LARGE1: variants seen among roughly 807,000 people sequenced by gnomAD.
The protein encoded by LARGE1 is LARGE xylosyl- and glucuronyltransferase 1.
A neutral mutation model predicts 87.6 loss-of-function variants in LARGE1; 43 were observed. The observed-to-expected ratio is 0.49, with a 90% CI of 0.38 to 0.63. LARGE1 has a LOEUF of 0.63. LARGE1 is among the 30% of genes least tolerant of loss of function. LARGE1 has a pLI of 0.00. For missense variants in LARGE1, 802 were observed against 1,000.2 expected (o/e 0.80, Z 2.67); for synonymous variants, 434 against 394.6 (o/e 1.10, Z -1.18).
intron 2 of LARGE1, among the ~76,000 whole-genome samples, chr22:33,750,423 G>T (rs73402881): frequency 0.041 from 6,195 of 152,256 alleles, 423 homozygotes; most frequent in African/African-American, 0.14. Flanking sequence ...AAAAGCAGTA[G>T]GCGGGCCAAA....
At chr22:33,381,832 C>T (rs1464064834) in intron 9 of LARGE1, 87 bp downstream of exon 9, 4 of 1,548,204 alleles carry the variant, frequency 2.6e-6, no homozygotes, top group African/African-American at 2.7e-5. Flanking sequence ...CCACATTGCA[C>T]ATAAATCTCC....
intron 12 of LARGE1, among the ~76,000 whole-genome samples, chr22:33,284,594 T>C (rs77301134): frequency 2.6e-5 from 4 of 152,118 alleles, no homozygotes; most frequent in Admixed American, 6.5e-5. Context: ...TTTTTTTTTT[T>C]GGAGATGGAG....
intron 11 of LARGE1, among the ~76,000 whole-genome samples, chr22:33,253,605 G>A (rs1020731990): frequency 6.6e-6 from 1 of 152,172 alleles, no homozygotes; most frequent in African/African-American, 2.4e-5. Context: ...TCAGCTACTC[G>A]GGAGGCTGAG....
At chr22:33,522,993 TTTTG>T (rs1180855350) in intron 6 of LARGE1, among the ~76,000 whole-genome samples, 7 of 151,474 alleles carry the variant, frequency 4.6e-5, no homozygotes, top group Non-Finnish European at 8.8e-5. Context: ...GGGTGACTGT[TTTTG>T]TTTGTTTTGT....
Position 33,688,647 on chromosome 22 carries a change from G to A in LARGE1, c.107-37979C>T, listed in dbSNP as rs139097678. On this transcript the variant is annotated intron_variant, in intron 2 of 14. Transcript: ENST00000397394. ...ATTATAGGTGTGAGCCACCGCACCC[G>A]GCCCTGCATTGTTTTGAACTCAGAC... 2.8e-3 allele frequency among the ~76,000 whole-genome samples: 428 copies of A among 151,946 alleles called. 3 individuals carry two copies. Among genetic ancestry groups the A allele is most frequent in the African/African-American group, 9.9e-3 (412 of 41,446 alleles).
intron 5 of LARGE1, among the ~76,000 whole-genome samples, chr22:33,590,723 C>T (rs57844249): frequency 0.12 from 17,830 of 152,184 alleles, 1,623 homozygotes; most frequent in African/African-American, 0.26. Flanking sequence ...TTCATTCCTT[C>T]CCACTGCTGA....
intron 6 of LARGE1, among the ~76,000 whole-genome samples, chr22:33,487,180 C>T (rs145087029): frequency 2.1e-4 from 32 of 152,298 alleles, no homozygotes; most frequent in African/African-American, 7.0e-4. Flanking sequence ...TTCATTCATT[C>T]ACCTGTTCAT....
intron 6 of LARGE1, among the ~76,000 whole-genome samples, chr22:33,452,843 A>C (rs2067990441): frequency 1.3e-5 from 2 of 152,324 alleles, no homozygotes; most frequent in South Asian, 4.1e-4. Flanking sequence ...AATTCTAATT[A>C]ATGGATACTA....
intron 12 of LARGE1, among the ~76,000 whole-genome samples, chr22:33,288,721 A>G (rs916193404): frequency 6.6e-6 from 1 of 152,108 alleles, no homozygotes; most frequent in Non-Finnish European, 1.5e-5. Context: ...ATTCCTCCTC[A>G]TCATTCAATG....
chr22:33,372,034 G>A (rs980029498), intron 9 of LARGE1, among the ~76,000 whole-genome samples: 1 of 151,490 alleles, frequency 6.6e-6, no homozygotes, highest in African/African-American at 2.4e-5. Flanking sequence ...AATGGAATGT[G>A]GAATAAATGT....
At position 33,783,999 on chromosome 22, in the gene LARGE1, CTTTT is replaced by C. The variant is rs776651641; in HGVS notation, c.-82-22445_-82-22442del. Among the ~76,000 whole-genome samples, 36 of 152,244 alleles carry C rather than the reference CTTTT, an allele frequency of 2.4e-4. 1 individual carries two copies. Among genetic ancestry groups the C allele is most frequent in the Middle Eastern group, 3.4e-3 (1 of 294 alleles). ...AATCACTAAGACAATCTCTCTCTTTCTTTTTTCTTTTTCCCCTTTTAGTGCATGG... is the reference window on the plus strand; with the variant it reads ...AATCACTAAGACAATCTCTCTCTTTCTTCTTTTTCCCCTTTTAGTGCATGG... On this transcript the variant is annotated intron_variant, in intron 1 of 14. Transcript: ENST00000397394.
chr22:33,491,445 G>A (rs1043485657), intron 6 of LARGE1, among the ~76,000 whole-genome samples: 4 of 152,236 alleles, frequency 2.6e-5, no homozygotes, highest in African/African-American at 4.8e-5. Flanking sequence ...AAAGATGAAC[G>A]CATTTTCCCA....
intron 11 of LARGE1, among the ~76,000 whole-genome samples, chr22:33,191,939 G>A (rs534856422): frequency 1.0e-3 from 158 of 152,168 alleles, no homozygotes; most frequent in African/African-American, 3.6e-3. Flanking sequence ...TTTTAGAACT[G>A]GGCTCTTATA....
intron 5 of LARGE1, among the ~76,000 whole-genome samples, chr22:33,567,902 G>A (rs1437878268): frequency 6.6e-6 from 1 of 152,194 alleles, no homozygotes; most frequent in African/African-American, 2.4e-5. Context: ...TTAGGATAAT[G>A]GCCTCCAGCT....
chr22:33,825,903 G>A (rs936423295), intron 1 of LARGE1, among the ~76,000 whole-genome samples: 1 of 151,902 alleles, frequency 6.6e-6, no homozygotes, highest in Non-Finnish European at 1.5e-5. Context: ...TTATAATGGA[G>A]GGACAAGGCT....
At chr22:33,746,139 G>T (rs1250425321) in intron 2 of LARGE1, among the ~76,000 whole-genome samples, 1 of 152,358 alleles carries the variant, frequency 6.6e-6, no homozygotes, top group Non-Finnish European at 1.5e-5. Flanking sequence ...CTACTCGGGA[G>T]GCTGAGGTAG....
chr22:33,666,183 G>C (rs2081262072), intron 2 of LARGE1, among the ~76,000 whole-genome samples: 6 of 152,206 alleles, frequency 3.9e-5, no homozygotes, highest in Admixed American at 3.9e-4. Flanking sequence ...ACTTGGTGCA[G>C]AAAGATGAAT....
intron 2 of LARGE1, among the ~76,000 whole-genome samples, chr22:33,706,159 T>G (rs1000865058): frequency 3.3e-5 from 5 of 152,338 alleles, no homozygotes; most frequent in African/African-American, 1.2e-4. Context: ...GTGCTGGCTG[T>G]GTGTCGTTTG....
intron 11 of LARGE1, among the ~76,000 whole-genome samples, chr22:33,241,015 T>C (rs1926485321): frequency 6.6e-6 from 1 of 152,200 alleles, no homozygotes; most frequent in Non-Finnish European, 1.5e-5. Flanking sequence ...GCTCAGTCTA[T>C]CTACTTAGTA....
Sources: allele counts gnomAD v4.1 joint callset (sites outside exome capture counted in the v4.1 genomes callset), GRCh38; gene constraint gnomAD v4.1.1; transcripts MANE v1.5; gene names NCBI Gene and HGNC (gene_info 2026-07-23, HGNC 2026-07-21).